Variants in HSD17B4 observed in about 807,000 individuals in gnomAD.
HSD17B4 encodes the protein peroxisomal multifunctional enzyme type 2.
A neutral mutation model predicts 101.0 loss-of-function variants in HSD17B4; 70 were observed. The observed-to-expected ratio is 0.69, with a 90% CI of 0.57 to 0.85. HSD17B4 has a LOEUF of 0.85. HSD17B4 is among the 40% of genes least tolerant of loss of function. The probability of loss-of-function intolerance (pLI) is 0.00; values close to 1 mark genes in which losing one functional copy is unlikely to be tolerated. For missense variants in HSD17B4, 984 were observed against 892.4 expected, an observed-to-expected ratio of 1.10 and a Z score of -1.31; for synonymous variants, 347 against 297.1, an observed-to-expected ratio of 1.17 and a Z score of -1.73.
intron 8 of HSD17B4, among the ~76,000 whole-genome samples, chr5:119,480,235 T>G (rs1477621598): frequency 6.6e-6 from 1 of 152,180 alleles, no homozygotes; most frequent in Non-Finnish European, 1.5e-5. Flanking sequence ...TAGAAACAAG[T>G]CCTTTATCAG....
chr5:119,527,247 C>G, intron 20 of HSD17B4, 28 bp downstream of exon 20: 1 of 1,226,208 alleles, frequency 8.2e-7, no homozygotes, highest in Non-Finnish European at 1.2e-6. Flanking sequence ...TCACCCTTCT[C>G]ACATGCTTTA....
intron 2 of HSD17B4, among the ~76,000 whole-genome samples, chr5:119,457,644 G>A (rs1754806787): frequency 7.0e-6 from 1 of 142,234 alleles, no homozygotes; most frequent in African/African-American, 2.6e-5. Context: ...AAAGACACAT[G>A]CTGTTACTAT....
chr5:119,452,504 G>A lies in HSD17B4; in HGVS notation c.-72G>A. ...CCTCGTCCCGCCCCCGCCATTCCCC[G>A]CCTCCTCCTGTCCCGCAGTCGGCGT... is the stretch of plus-strand genomic sequence containing the variant. On this transcript the variant is annotated 5_prime_UTR_variant, in exon 1 of 24. Coordinates refer to ENST00000510025, the MANE Select transcript of HSD17B4 (RefSeq NM_000414.4). 2 of 1,611,718 alleles carry A rather than the reference G, an allele frequency of 1.2e-6. No individual in the cohort carries two copies. The highest frequency in any genetic ancestry group is 1.7e-6 in the Non-Finnish European group (2 of 1,179,194).
chr5:119,504,005 C>A (rs543491483), intron 14 of HSD17B4, among the ~76,000 whole-genome samples: 1 of 152,214 alleles, frequency 6.6e-6, no homozygotes, highest in Admixed American at 6.5e-5. Context: ...GAGTTCAGCT[C>A]CCACTTGTAA....
At chr5:119,499,598 A>C (rs1750972366) in intron 13 of HSD17B4, 45 bp downstream of exon 13, 2 of 1,052,016 alleles carry the variant, frequency 1.9e-6, no homozygotes, top group South Asian at 2.5e-5. Flanking sequence ...TATTTCTGTA[A>C]ATATTATTCA....
intron 12 of HSD17B4, among the ~76,000 whole-genome samples, chr5:119,496,859 A>G (rs1248472114): frequency 1.3e-5 from 2 of 152,236 alleles, no homozygotes; most frequent in Admixed American, 1.3e-4. Context: ...TATAACATAC[A>G]GCCTGATTTC....
chr5:119,454,717 G>T (rs113096859), intron 1 of HSD17B4, among the ~76,000 whole-genome samples: 2,426 of 152,150 alleles, frequency 0.016, 45 homozygotes, highest in African/African-American at 0.056. Flanking sequence ...TGCCTTCCGG[G>T]TTCAAACAAT....
intron 2 of HSD17B4, among the ~76,000 whole-genome samples, chr5:119,458,643 T>TA (rs1039715491): frequency 6.6e-6 from 1 of 152,108 alleles, no homozygotes; most frequent in African/African-American, 2.4e-5. Context: ...ATCATTTGGC[T>TA]AAGCCAAAAG....
chr5:119,468,703 C>T (rs1276786166), intron 2 of HSD17B4, among the ~76,000 whole-genome samples: 1 of 151,978 alleles, frequency 6.6e-6, no homozygotes, highest in Non-Finnish European at 1.5e-5. Context: ...TTTCTATGCC[C>T]AACTTCGCTC....
At chr5:119,509,060 G>T (rs997157230) in intron 15 of HSD17B4, 81 bp from the exon 16 acceptor site, 3 of 802,906 alleles carry the variant, frequency 3.7e-6, no homozygotes, top group Non-Finnish European at 6.5e-6. Flanking sequence ...ACCTTGACAG[G>T]AATTGTTGAA....
At chr5:119,517,546 C>T (rs1752740972) in intron 17 of HSD17B4, among the ~76,000 whole-genome samples, 1 of 152,248 alleles carries the variant, frequency 6.6e-6, no homozygotes, top group African/African-American at 2.4e-5. Context: ...GTGGGATCCA[C>T]TGGGTGAAGC....
intron 17 of HSD17B4, among the ~76,000 whole-genome samples, chr5:119,517,421 C>A (rs1223706546): frequency 6.6e-6 from 1 of 152,210 alleles, no homozygotes; most frequent in Non-Finnish European, 1.5e-5. Context: ...GCTCGAGCCT[C>A]CCTGAGGAGT....
At chr5:119,501,094 A>G (rs533354481) in intron 13 of HSD17B4, among the ~76,000 whole-genome samples, 1 of 152,170 alleles carries the variant, frequency 6.6e-6, no homozygotes, top group South Asian at 2.1e-4. Context: ...TTTCATTCAC[A>G]CTCCCATGGT....
chr5:119,505,912 T>TA (rs1751603653), intron 14 of HSD17B4, among the ~76,000 whole-genome samples: 1 of 152,132 alleles, frequency 6.6e-6, no homozygotes, highest in Non-Finnish European at 1.5e-5. Context: ...AATGGTTATT[T>TA]AAAAAAATCT....
Position 119,542,075 on chromosome 5 carries a change from G to A in HSD17B4, c.*81G>A. ...ATATGCTTGATTATTCTGCAAAAGT[G>A]ATTAGAACTAAGATGCAGGGGAAAT... is the stretch of plus-strand genomic sequence containing the variant. On this transcript the variant is annotated 3_prime_UTR_variant, in exon 24 of 24. Coordinates refer to ENST00000510025, the MANE Select transcript of HSD17B4 (RefSeq NM_000414.4). 1 of 934,136 alleles carries A rather than the reference G, an allele frequency of 1.1e-6. No individual in the cohort carries two copies. Among genetic ancestry groups the A allele is most frequent in the Non-Finnish European group, 1.7e-6 (1 of 573,368 alleles). 57.9% of individuals were successfully genotyped at this position (934,136 alleles called of 1,614,324 possible). A position where few individuals can be genotyped will look rare whatever the true frequency, so the allele number is the denominator to read the frequency against.
At position 119,509,175 on chromosome 5, in the gene HSD17B4, C is replaced by T. The variant is rs915895397; in HGVS notation, c.1368C>T (p.His456=). 2 of 1,602,784 alleles carry T rather than the reference C, an allele frequency of 1.2e-6. No homozygotes were observed. Among genetic ancestry groups the T allele is most frequent in the Non-Finnish European group, 1.7e-6 (2 of 1,169,754 alleles). The change falls in exon 16 of 24, where the codon CAC becomes CAT. Residue 456 remains histidine, a synonymous_variant. Transcript: ENST00000510025. ...ATTCTGAGAAGGAACTTATATGCCA[C>T]AATCAGTTCTCTCTCTTTCTTGTTG... ...YSYSEKELIC[H]NQFSLFLVGS...
intron 17 of HSD17B4, among the ~76,000 whole-genome samples, chr5:119,520,866 T>G (rs1479841165): frequency 1.3e-5 from 2 of 152,220 alleles, no homozygotes; most frequent in East Asian, 3.8e-4. Flanking sequence ...TTGGCTTCGT[T>G]TCTTGTATAA....
intron 14 of HSD17B4, among the ~76,000 whole-genome samples, chr5:119,503,719 G>T (rs1011772561): frequency 1.3e-4 from 20 of 151,030 alleles, no homozygotes; most frequent in Middle Eastern, 6.9e-3. Flanking sequence ...GTGAAGGAAC[G>T]CAGCAGTACT....
At chr5:119,518,181 A>G (rs1010534535) in intron 17 of HSD17B4, among the ~76,000 whole-genome samples, 1 of 152,122 alleles carries the variant, frequency 6.6e-6, no homozygotes, top group African/African-American at 2.4e-5. Context: ...CTTTGGGTCC[A>G]CACTGCTTTT....
Sources: gnomAD v4.1 joint callset for allele counts (sites outside exome capture counted in the v4.1 genomes callset) on GRCh38, gnomAD v4.1.1 for gene constraint, MANE v1.5 for transcripts, NCBI Gene and HGNC (gene_info 2026-07-23, HGNC 2026-07-21) for gene names.